ADAMTS9: variants seen among roughly 807,000 people sequenced by gnomAD.
The protein encoded by ADAMTS9 is A disintegrin and metalloproteinase with thrombospondin motifs 9.
In ADAMTS9, 107 loss-of-function variants were observed where a neutral mutation model predicts 257.1. That is an observed-to-expected ratio of 0.42 (90% CI 0.36 to 0.49). ADAMTS9 has a LOEUF of 0.49. Among genes scored for constraint, ADAMTS9 ranks in the 20% least tolerant of loss-of-function variants. The pLI, the probability that ADAMTS9 is intolerant of heterozygous loss-of-function variation, is 0.03. For missense variants in ADAMTS9, 2,353 were observed against 2,469.1 expected (o/e 0.95, Z 1.00); for synonymous variants, 982 against 880.9 (o/e 1.11, Z -2.03).
At chr3:64,518,491 C>G (rs1263625628) in intron 39 of ADAMTS9, among the ~76,000 whole-genome samples, 1 of 152,150 alleles carries the variant, frequency 6.6e-6, no homozygotes, top group East Asian at 1.9e-4. Flanking sequence ...GCAGAAGAAT[C>G]ACCTTCTGGC....
rs1701920423 is a variant in ADAMTS9, at chr3:64,686,742, G to A, written c.342C>T (p.Thr114=). The A allele has an allele frequency of 6.2e-7, 1 of 1,614,228 alleles. No individual in the cohort carries two copies. The highest frequency in any genetic ancestry group is 2.2e-5 in the East Asian group (1 of 44,884). The change falls in exon 2 of 40, where the codon ACC becomes ACT. Residue 114 remains threonine, a synonymous_variant. Transcript: ENST00000498707. The surrounding 1 kb of genome is among the most constrained non-coding windows in gnomAD (Gnocchi z 4.6). ...GTGGAGCGATAAATCCGGCATTGGC[G>A]GTGAGATTAAATAGAAACTGCTGGC... ...AFGQQFLFNL[T]ANAGFIAPLF...
intron 30 of ADAMTS9, among the ~76,000 whole-genome samples, chr3:64,554,437 G>T (rs928732011): frequency 6.6e-6 from 1 of 152,130 alleles, no homozygotes; most frequent in African/African-American, 2.4e-5. Context: ...GGGTATGGGG[G>T]CTGGGTAATC....
chr3:64,539,435 T>A, intron 36 of ADAMTS9, 141 bp from the exon 37 acceptor site: 1 of 721,380 alleles, frequency 1.4e-6, no homozygotes. Context: ...TGTGAAATAT[T>A]AGTGGGTAAA....
At chr3:64,629,152 C>G (rs1700303747) in intron 16 of ADAMTS9, among the ~76,000 whole-genome samples, 2 of 152,146 alleles carry the variant, frequency 1.3e-5, no homozygotes, top group African/African-American at 4.8e-5. Context: ...TTCACTGCTC[C>G]CATTGGGGCC....
intron 12 of ADAMTS9, among the ~76,000 whole-genome samples, chr3:64,638,077 G>A (rs543815848): frequency 6.6e-6 from 1 of 152,324 alleles, no homozygotes; most frequent in East Asian, 1.9e-4. Context: ...TATGGAGAGA[G>A]CCTAAGGGGG....
At chr3:64,525,508 C>G (rs943082872) in intron 38 of ADAMTS9, among the ~76,000 whole-genome samples, 9 of 152,104 alleles carry the variant, frequency 5.9e-5, no homozygotes, top group Non-Finnish European at 1.0e-4. Flanking sequence ...TTGCTTCACA[C>G]AGCTGAACTA....
intron 3 of ADAMTS9, among the ~76,000 whole-genome samples, chr3:64,659,968 G>C (rs1455321639): frequency 6.6e-6 from 1 of 152,114 alleles, no homozygotes; most frequent in Non-Finnish European, 1.5e-5. Flanking sequence ...CTGAAATTTT[G>C]AGAATCACTA....
At chr3:64,602,782 C>T (rs1434776329) in intron 25 of ADAMTS9, among the ~76,000 whole-genome samples, 1 of 152,222 alleles carries the variant, frequency 6.6e-6, no homozygotes, top group Admixed American at 6.5e-5. Context: ...TATTCCACTT[C>T]TCCTCTTGAC....
chr3:64,587,854 T>C (rs2084188609), intron 28 of ADAMTS9: 2 of 152,098 alleles, frequency 1.3e-5, no homozygotes, highest in Admixed American at 6.5e-5. Flanking sequence ...GATCCGCACA[T>C]TCCACATCTT....
chr3:64,551,110 C>G, intron 30 of ADAMTS9, 48 bp from the exon 31 acceptor site: 1 of 1,581,664 alleles, frequency 6.3e-7, no homozygotes, highest in Non-Finnish European at 8.7e-7. Context: ...TTCCTTATAT[C>G]CTATGACTGT....
chr3:64,641,104 A>T (rs376796875), intron 12 of ADAMTS9, among the ~76,000 whole-genome samples: 2 of 152,216 alleles, frequency 1.3e-5, no homozygotes, highest in East Asian at 1.9e-4. Context: ...AAGAAAAAAA[A>T]TAAAAAGTAA....
chr3:64,522,304 C>T (rs753725328), intron 38 of ADAMTS9, 44 bp from the exon 39 acceptor site: 2 of 1,565,466 alleles, frequency 1.3e-6, no homozygotes, highest in Non-Finnish European at 1.8e-6. Context: ...TTGGTTAATG[C>T]TTTCAGGGCC....
chr3:64,603,990 T>C lies in ADAMTS9; in HGVS notation c.3679A>G (p.Arg1227Gly). ...GAACATTCTTCCTTTGCCACTGGTC[T>C]AGGCAGGGTAGCACAGGCACTCTCG... The part of the protein sequence containing the change: ...ADESACATLP[R>G]PVAKEECSVT... The change falls in exon 25 of 40, where the codon AGA (arginine) becomes GGA (glycine). Residue 1227 changes from arginine (R) to glycine (G), a missense_variant. By Grantham distance (125) the Arg-to-Gly change is moderately radical. Transcript: ENST00000498707. 6.2e-7 allele frequency: 1 copy of C among 1,614,078 alleles called. No individual in the cohort carries two copies. The highest frequency in any genetic ancestry group is 2.2e-5 in the East Asian group (1 of 44,834).
intron 28 of ADAMTS9, among the ~76,000 whole-genome samples, chr3:64,582,129 T>C (rs1400426874): frequency 2.0e-5 from 3 of 152,130 alleles, no homozygotes; most frequent in East Asian, 3.9e-4. Context: ...TTGTGTGGCA[T>C]GGGGGTTGGG....
intron 14 of ADAMTS9, among the ~76,000 whole-genome samples, 166 bp downstream of exon 14, chr3:64,633,306 G>A (rs1226775736): frequency 1.3e-5 from 2 of 152,096 alleles, no homozygotes; most frequent in Non-Finnish European, 2.9e-5. Flanking sequence ...ACACGCATCA[G>A]AAAAAAGTGA....
Position 64,541,897 on chromosome 3 carries a change from T to A in ADAMTS9, c.5138A>T (p.His1713Leu). 1 of 1,614,162 alleles carries A rather than the reference T, an allele frequency of 6.2e-7. No individual in the cohort carries two copies. The highest frequency in any genetic ancestry group is 8.5e-7 in the Non-Finnish European group (1 of 1,180,008). The change falls in exon 33 of 40, where the codon CAC becomes CTC. Residue 1713 changes from histidine (H) to leucine (L), a missense_variant. By Grantham distance (99) the His-to-Leu change is moderately conservative. This residue lies in a region of ADAMTS9 where 1,402 missense variants were observed against 1,441.4 expected (regional missense o/e 0.97). Transcript: ENST00000498707. ...TGGCTTCAGATCAGTGTGGCATAAGTGGCTGGGTTGGTCCTCATTGGTTAA... is the reference window on the plus strand; with the variant it reads ...TGGCTTCAGATCAGTGTGGCATAAGAGGCTGGGTTGGTCCTCATTGGTTAA... ...QCLTNEDQPS[H>L]LCHTDLKPEE...
chr3:64,594,047 T>A (rs574585580), intron 28 of ADAMTS9, among the ~76,000 whole-genome samples: 2 of 151,924 alleles, frequency 1.3e-5, no homozygotes, highest in East Asian at 3.9e-4. Context: ...CCAGGTCCTG[T>A]ATGAGGTACA....
At chr3:64,609,354 C>G (rs967742788) in intron 22 of ADAMTS9, among the ~76,000 whole-genome samples, 1 of 152,060 alleles carries the variant, frequency 6.6e-6, no homozygotes. Flanking sequence ...ATTCTATTTG[C>G]AGATGTCATC....
intron 28 of ADAMTS9, chr3:64,587,685 T>C (rs2084185104): frequency 6.6e-6 from 1 of 152,182 alleles, no homozygotes; most frequent in Non-Finnish European, 1.5e-5. Flanking sequence ...TCAGCCTACA[T>C]GAGTCATCTT....
Sources: allele counts gnomAD v4.1 joint callset (sites outside exome capture counted in the v4.1 genomes callset), GRCh38; gene constraint gnomAD v4.1.1; regional missense constraint gnomAD v4.1.1; non-coding constraint Gnocchi (gnomAD v3.1); transcripts MANE v1.5; gene names NCBI Gene and HGNC (gene_info 2026-07-23, HGNC 2026-07-21).